Variants in SCHIP1 observed in about 807,000 individuals in gnomAD.
SCHIP1 encodes the protein schwannomin interacting protein 1.
Under a neutral mutation model 29.7 loss-of-function variants are expected in SCHIP1, and 8 were observed. That is an observed-to-expected ratio of 0.27 (90% CI 0.16 to 0.49). The LOEUF (loss-of-function observed/expected upper bound fraction) is 0.49, where lower values mean the gene tolerates loss of function less well. Among genes scored for constraint, SCHIP1 ranks in the 20% least tolerant of loss-of-function variants. The pLI is 0.99. For synonymous variants in SCHIP1, 76 were observed against 94.9 expected (o/e 0.80, Z 1.16); for missense variants, 193 against 294.6 (o/e 0.66, Z 2.52).
At chr3:159,665,565 T>C in the SCHIP1 span, among the ~76,000 whole-genome samples, 74 of 152,174 alleles carry the variant, frequency 4.9e-4, no homozygotes, top group Middle Eastern at 3.4e-3. Flanking sequence ...TGTGTGTGTG[T>C]GTGTGTGTTT....
At chr3:159,406,699 A>T in the SCHIP1 span, among the ~76,000 whole-genome samples, 1 of 152,344 alleles carries the variant, frequency 6.6e-6, no homozygotes, top group Admixed American at 6.5e-5. Flanking sequence ...AGACATAGAC[A>T]GTATGATAAG....
chr3:159,851,373 T>C (rs1337655992), intron 1 of SCHIP1, among the ~76,000 whole-genome samples: 1 of 152,152 alleles, frequency 6.6e-6, no homozygotes. Flanking sequence ...ATGGTTAGAG[T>C]GTGGGCCACA....
the SCHIP1 span, among the ~76,000 whole-genome samples, chr3:159,526,575 G>A: frequency 6.6e-6 from 1 of 152,178 alleles, no homozygotes; most frequent in Admixed American, 6.5e-5. Flanking sequence ...TGACTCCAAC[G>A]CTGACTTGTG....
chr3:159,297,108 AG>A, the SCHIP1 span, among the ~76,000 whole-genome samples: 1 of 144,498 alleles, frequency 6.9e-6, no homozygotes, highest in African/African-American at 2.6e-5. Flanking sequence ...TCCTTTTTTA[AG>A]GCTGAGTAAT....
the SCHIP1 span, chr3:159,274,430 G>A: frequency 3.4e-5 from 30 of 892,680 alleles, no homozygotes; most frequent in Non-Finnish European, 3.8e-5. Flanking sequence ...TAGAGTGGCA[G>A]CTTATTATAA....
chr3:159,331,866 G>A, the SCHIP1 span, among the ~76,000 whole-genome samples: 2 of 152,086 alleles, frequency 1.3e-5, no homozygotes, highest in African/African-American at 4.8e-5. Context: ...ATAGCACAGG[G>A]TACTGCATGT....
chr3:159,423,781 C>T, the SCHIP1 span, among the ~76,000 whole-genome samples: 1 of 152,124 alleles, frequency 6.6e-6, no homozygotes, highest in Non-Finnish European at 1.5e-5. Flanking sequence ...ACCCCTGACC[C>T]CTGAGCAGCC....
chr3:159,608,975 C>G, the SCHIP1 span, among the ~76,000 whole-genome samples: 2 of 152,180 alleles, frequency 1.3e-5, no homozygotes. Context: ...TATTTAAACT[C>G]CATCCATTCA....
the SCHIP1 span, among the ~76,000 whole-genome samples, chr3:159,476,648 G>A: frequency 6.6e-6 from 1 of 152,080 alleles, no homozygotes; most frequent in African/African-American, 2.4e-5. Context: ...TTTATATAAT[G>A]TGATGTACAG....
chr3:159,671,182 C>T, the SCHIP1 span, among the ~76,000 whole-genome samples: 777 of 152,218 alleles, frequency 5.1e-3, 3 homozygotes, highest in Middle Eastern at 0.01. Context: ...TCCTCAATAC[C>T]ATCCCCCAGC....
chr3:159,834,040 T>C, the SCHIP1 span, among the ~76,000 whole-genome samples: 2 of 152,158 alleles, frequency 1.3e-5, no homozygotes, highest in African/African-American at 4.8e-5. Flanking sequence ...GTTGATGTTG[T>C]TCTTAATTAG....
At chr3:159,860,599 A>G (rs992591906) in intron 1 of SCHIP1, among the ~76,000 whole-genome samples, 3 of 152,208 alleles carry the variant, frequency 2.0e-5, no homozygotes, top group Non-Finnish European at 2.9e-5. Flanking sequence ...ATAATTTTTA[A>G]AAGTCTATTT....
At chr3:159,534,934 C>T in the SCHIP1 span, among the ~76,000 whole-genome samples, 4 of 152,254 alleles carry the variant, frequency 2.6e-5, no homozygotes, top group East Asian at 3.9e-4. Flanking sequence ...ACAAACATTT[C>T]GCAGTTCTCC....
At chr3:159,867,624 T>TC in intron 2 of SCHIP1, among the ~76,000 whole-genome samples, 1 of 152,194 alleles carries the variant, frequency 6.6e-6, no homozygotes, top group Admixed American at 6.5e-5. Flanking sequence ...TTCCTACACA[T>TC]CCCTCCAGAA....
the SCHIP1 span, among the ~76,000 whole-genome samples, chr3:159,616,996 G>A: frequency 6.6e-6 from 1 of 152,172 alleles, no homozygotes; most frequent in African/African-American, 2.4e-5. Context: ...GTACTCTACT[G>A]GAAAATATAG....
chr3:159,672,007 C>T, the SCHIP1 span, among the ~76,000 whole-genome samples: 3 of 152,142 alleles, frequency 2.0e-5, no homozygotes, highest in Non-Finnish European at 2.9e-5. Context: ...CCATGAAAAT[C>T]GCTCAAAACA....
At chr3:159,423,260 CT>C in the SCHIP1 span, among the ~76,000 whole-genome samples, 1 of 152,356 alleles carries the variant, frequency 6.6e-6, no homozygotes, top group South Asian at 2.1e-4. Context: ...GAGGCATTGC[CT>C]CACTCGGGAA....
At chr3:159,343,049 C>G in the SCHIP1 span, among the ~76,000 whole-genome samples, 1,331 of 152,104 alleles carry the variant, frequency 8.8e-3, 18 homozygotes, top group African/African-American at 0.031. Context: ...CTGTGCCAAC[C>G]GCTGTGCCAG....
the SCHIP1 span, among the ~76,000 whole-genome samples, chr3:159,785,628 C>G: frequency 6.8e-6 from 1 of 148,060 alleles, no homozygotes; most frequent in Non-Finnish European, 1.5e-5. Context: ...CAAGTTGTAG[C>G]TTATGCTTGA....
Sources: gnomAD v4.1 joint callset for allele counts (sites outside exome capture counted in the v4.1 genomes callset) on GRCh38, gnomAD v4.1.1 for gene constraint, MANE v1.5 for transcripts, NCBI Gene and HGNC (gene_info 2026-07-23, HGNC 2026-07-21) for gene names.